Variants in COLEC10 observed in about 807,000 individuals in gnomAD.
COLEC10 encodes collectin subfamily member 10.
A neutral mutation model predicts 28.4 loss-of-function variants in COLEC10; 22 were observed. The ratio of observed to expected loss-of-function variants is 0.78; its 90% CI spans 0.55 to 1.11. The LOEUF is 1.11. COLEC10 is among the 50% of genes least tolerant of loss of function. The probability of loss-of-function intolerance (pLI) is 0.00; values close to 1 mark genes in which losing one functional copy is unlikely to be tolerated. For missense variants in COLEC10, 361 were observed against 344.1 expected (o/e 1.05, Z -0.39); for synonymous variants, 125 against 116.1 (o/e 1.08, Z -0.49).
the COLEC10 span, among the ~76,000 whole-genome samples, chr8:118,959,510 C>T: frequency 6.6e-6 from 1 of 152,128 alleles, no homozygotes; most frequent in Non-Finnish European, 1.5e-5. Context: ...ATATACAAGG[C>T]ACTTAGAGCA....
the COLEC10 span, among the ~76,000 whole-genome samples, chr8:118,969,781 G>A: frequency 4.8e-4 from 72 of 150,114 alleles, no homozygotes; most frequent in Non-Finnish European, 8.4e-4. Flanking sequence ...TTTATTACAC[G>A]CACTGTAGCA....
At chr8:119,058,435 G>A (rs1814799621) in intron 2 of COLEC10, among the ~76,000 whole-genome samples, 2 of 151,958 alleles carry the variant, frequency 1.3e-5, no homozygotes, top group African/African-American at 4.8e-5. Flanking sequence ...CCCACTCTCA[G>A]CCCCAGGCAA....
the COLEC10 span, among the ~76,000 whole-genome samples, chr8:118,957,051 A>G: frequency 6.6e-6 from 1 of 152,336 alleles, no homozygotes; most frequent in Non-Finnish European, 1.5e-5. Flanking sequence ...TCAAATAAAT[A>G]TTAAACCAAA....
chr8:118,985,515 G>A, the COLEC10 span, among the ~76,000 whole-genome samples: 2 of 151,942 alleles, frequency 1.3e-5, no homozygotes, highest in African/African-American at 4.8e-5. Context: ...TAAAAAAAAA[G>A]GTGATTTAAA....
At chr8:118,990,572 C>A (rs1257587173), upstream of COLEC10, among the ~76,000 whole-genome samples, 1 of 152,102 alleles carries the variant, frequency 6.6e-6, no homozygotes, top group Non-Finnish European at 1.5e-5. Flanking sequence ...CTTCAAATAT[C>A]ATGTGAGGGG....
At chr8:118,981,802 A>G in the COLEC10 span, among the ~76,000 whole-genome samples, 3 of 152,100 alleles carry the variant, frequency 2.0e-5, no homozygotes, top group Non-Finnish European at 4.4e-5. Flanking sequence ...GGCCCAGGTG[A>G]TGGGATAAGA....
At chr8:119,003,159 G>C (rs927390159) in intron 1 of COLEC10, among the ~76,000 whole-genome samples, 1 of 152,110 alleles carries the variant, frequency 6.6e-6, no homozygotes, top group Non-Finnish European at 1.5e-5. Context: ...AGTTATAACA[G>C]ACATGTATAA....
chr8:119,080,973 A>G (rs1483183496), intron 1 of COLEC10, among the ~76,000 whole-genome samples: 1 of 152,092 alleles, frequency 6.6e-6, no homozygotes, highest in Non-Finnish European at 1.5e-5. Flanking sequence ...AATTTTAATC[A>G]TGGTAATGTT....
intron 3 of COLEC10, among the ~76,000 whole-genome samples, chr8:119,095,469 G>A (rs769003707): frequency 1.3e-5 from 2 of 152,116 alleles, no homozygotes; most frequent in East Asian, 1.9e-4. Flanking sequence ...TCGGGGGGCC[G>A]AGGTGGATGG....
At chr8:119,102,233 TCC>T in intron 3 of COLEC10, 113 bp from the exon 4 acceptor site, 1 of 243,544 alleles carries the variant, frequency 4.1e-6, no homozygotes, top group Non-Finnish European at 7.6e-6. Context: ...CCTCCCTCCC[TCC>T]CTCCCTCCTT....
intron 2 of COLEC10, among the ~76,000 whole-genome samples, chr8:119,060,752 T>C (rs1200346586): frequency 6.6e-6 from 1 of 152,164 alleles, no homozygotes. Flanking sequence ...AGTCATTACC[T>C]CTTTGCCCTA....
intron 1 of COLEC10, among the ~76,000 whole-genome samples, chr8:119,076,455 G>C (rs1040576832): frequency 6.6e-6 from 1 of 152,006 alleles, no homozygotes; most frequent in African/African-American, 2.4e-5. Flanking sequence ...TAGAGATGGG[G>C]TTTCACCATG....
At chr8:118,979,615 A>T in the COLEC10 span, among the ~76,000 whole-genome samples, 3 of 152,146 alleles carry the variant, frequency 2.0e-5, no homozygotes, top group Non-Finnish European at 2.9e-5. Context: ...ATCATTCCAC[A>T]AATTACAAAT....
chr8:118,977,250 G>A, the COLEC10 span, among the ~76,000 whole-genome samples: 5 of 145,324 alleles, frequency 3.4e-5, no homozygotes, highest in South Asian at 1.2e-3. Context: ...CCATTACTGG[G>A]TATATACCCA....
the COLEC10 span, among the ~76,000 whole-genome samples, chr8:118,962,674 T>C: frequency 1.3e-5 from 2 of 152,224 alleles, no homozygotes; most frequent in Non-Finnish European, 2.9e-5. Flanking sequence ...TTTATAGTAT[T>C]GTTAATTATA....
the COLEC10 span, among the ~76,000 whole-genome samples, chr8:118,982,025 T>A: frequency 6.6e-6 from 1 of 151,926 alleles, no homozygotes; most frequent in East Asian, 1.9e-4. Flanking sequence ...TAAAAGATAG[T>A]TTTATTGTTA....
intron 1 of COLEC10, among the ~76,000 whole-genome samples, chr8:119,007,964 C>A (rs1201546824): frequency 6.6e-6 from 1 of 150,584 alleles, no homozygotes; most frequent in Non-Finnish European, 1.5e-5. Context: ...CACAAGGTTG[C>A]AATTATTACT....
the COLEC10 span, among the ~76,000 whole-genome samples, chr8:118,977,371 C>T: frequency 1.4e-5 from 2 of 148,112 alleles, no homozygotes; most frequent in African/African-American, 5.0e-5. Flanking sequence ...CAATGATAGA[C>T]TGGATTAAGA....
chr8:119,062,195 G>C (rs182627718), intron 2 of COLEC10, among the ~76,000 whole-genome samples: 1 of 151,990 alleles, frequency 6.6e-6, no homozygotes, highest in Admixed American at 6.6e-5. Context: ...AAATATGTGT[G>C]GAAGATGTAG....
Sources: gnomAD v4.1 joint callset for allele counts (sites outside exome capture counted in the v4.1 genomes callset) on GRCh38, gnomAD v4.1.1 for gene constraint, MANE v1.5 for transcripts, NCBI Gene and HGNC (gene_info 2026-07-23, HGNC 2026-07-21) for gene names.